MAP3K13: variants seen among roughly 807,000 people sequenced by gnomAD.
MAP3K13 encodes leucine zipper-bearing kinase.
A neutral mutation model predicts 104.0 loss-of-function variants in MAP3K13; 52 were observed. The observed-to-expected ratio is 0.50, with a 90% CI of 0.40 to 0.63. The LOEUF (loss-of-function observed/expected upper bound fraction) is 0.63, where lower values mean the gene tolerates loss of function less well. Among genes scored for constraint, MAP3K13 ranks in the 20% least tolerant of loss-of-function variants. The pLI is 0.00. For synonymous variants in MAP3K13, 394 were observed against 442.2 expected (o/e 0.89, Z 1.37); for missense variants, 914 against 1,218.5 (o/e 0.75, Z 3.72).
At chr3:185,381,107 C>T (rs747911252) in intron 1 of MAP3K13, among the ~76,000 whole-genome samples, 6 of 152,048 alleles carry the variant, frequency 3.9e-5, no homozygotes, top group Admixed American at 6.6e-5. Context: ...GGATTACAGG[C>T]GTGTGCTACC....
chr3:185,466,922 A>T lies in MAP3K13; in HGVS notation c.1602A>T (p.Lys534Asn). The part of the protein sequence containing the change: ...IHPNAMEKLM[K>N]RKGVPHKSGM... ...CCAATGCCATGGAGAAACTCATGAA[A>T]AGGAAAGGAGTGCCTCACAAATCTG... The change falls in exon 10 of 14, where the codon AAA (lysine) becomes AAT (asparagine). Residue 534 changes from lysine (K) to asparagine (N), a missense_variant. Transcript: ENST00000265026. 6.2e-7 allele frequency: 1 copy of T among 1,613,986 alleles called. No individual in the cohort carries two copies. Among genetic ancestry groups the T allele is most frequent in the Non-Finnish European group, 8.5e-7 (1 of 1,179,866 alleles).
chr3:185,361,138 A>G (rs990963151), upstream of MAP3K13, among the ~76,000 whole-genome samples: 1 of 151,140 alleles, frequency 6.6e-6, no homozygotes, highest in East Asian at 1.9e-4. Context: ...ACACATATAT[A>G]CATATACATA....
rs929039287 is a variant in MAP3K13, at chr3:185,482,867, G to A, written c.*411G>A. The A allele has an allele frequency of 3.0e-5, 7 of 234,270 alleles. No individual in the cohort carries two copies. The highest frequency in any genetic ancestry group is 5.9e-5 in the Non-Finnish European group (7 of 119,108). The allele number at this position is 234,270 out of a possible 1,614,324, so 14.5% of individuals were successfully genotyped here. A position where few individuals can be genotyped will look rare whatever the true frequency, so the allele number is the denominator to read the frequency against. On this transcript the variant is annotated 3_prime_UTR_variant, in exon 14 of 14. Transcript: ENST00000265026. The surrounding 1 kb of genome is among the most constrained non-coding windows in gnomAD (Gnocchi z 4.5). ...AAAAAAAGAAATAAGTGGAATTTAAGAGCAACATCCTTGGGAATTTGTGGG... is the reference window on the plus strand; with the variant it reads ...AAAAAAAGAAATAAGTGGAATTTAAAAGCAACATCCTTGGGAATTTGTGGG...
chr3:185,345,196 T>C (rs190488595), intron 2 of MAP3K13, among the ~76,000 whole-genome samples: 1 of 152,018 alleles, frequency 6.6e-6, no homozygotes, highest in Non-Finnish European at 1.5e-5. Flanking sequence ...TTTATTGCCA[T>C]CTGCACTTTT....
Position 185,363,208 on chromosome 3 carries a change from A to T in MAP3K13, c.-246A>T. 3 of 985,180 alleles carry T rather than the reference A, an allele frequency of 3.0e-6. No individual in the cohort carries two copies. The highest frequency in any genetic ancestry group is 3.6e-6 in the Non-Finnish European group (3 of 829,890). The allele number at this position is 985,180 out of a possible 1,614,324, so 61.0% of individuals were successfully genotyped here. A position where few individuals can be genotyped will look rare whatever the true frequency, so the allele number is the denominator to read the frequency against. On this transcript the variant is annotated 5_prime_UTR_variant, in exon 1 of 14. An upstream open reading frame in the 5' UTR loses its in-frame stop. Coordinates refer to ENST00000265026, the MANE Select transcript of MAP3K13 (RefSeq NM_004721.5). Reference sequence around the variant, plus strand: ...ATTTACATCCATTCATGAATCTGTGACGTCAGCAAGCCTTTGGGCTCCTTT... The same window carrying T: ...ATTTACATCCATTCATGAATCTGTGTCGTCAGCAAGCCTTTGGGCTCCTTT...
chr3:185,411,839 C>T (rs1272911673), intron 1 of MAP3K13, among the ~76,000 whole-genome samples: 1 of 139,032 alleles, frequency 7.2e-6, no homozygotes, highest in Non-Finnish European at 1.5e-5. Context: ...GGCTGGAATG[C>T]GGTGGCATGA....
chr3:185,290,274 T>C (rs1199134290), intron 2 of MAP3K13, among the ~76,000 whole-genome samples: 1 of 152,158 alleles, frequency 6.6e-6, no homozygotes, highest in Non-Finnish European at 1.5e-5. Context: ...TTTACAAAAA[T>C]TAGGTTATAG....
At chr3:185,448,371 C>A (rs1018145155) in intron 5 of MAP3K13, among the ~76,000 whole-genome samples, 5 of 152,110 alleles carry the variant, frequency 3.3e-5, no homozygotes, top group Admixed American at 6.5e-5. Flanking sequence ...CAATTATGTT[C>A]TCTAGACATG....
intron 1 of MAP3K13, among the ~76,000 whole-genome samples, chr3:185,380,286 G>A (rs183020056): frequency 2.6e-4 from 39 of 151,722 alleles, no homozygotes; most frequent in African/African-American, 6.3e-4. Flanking sequence ...GCCAAGGCAG[G>A]AGGATCACGA....
At chr3:185,461,446 A>T (rs1344235470) in intron 7 of MAP3K13, among the ~76,000 whole-genome samples, 1 of 152,228 alleles carries the variant, frequency 6.6e-6, no homozygotes, top group East Asian at 1.9e-4. Flanking sequence ...AATTTGGGGA[A>T]AACCTTCTAT....
At chr3:185,393,763 A>G (rs1320807883) in intron 1 of MAP3K13, among the ~76,000 whole-genome samples, 1 of 152,074 alleles carries the variant, frequency 6.6e-6, no homozygotes, top group Non-Finnish European at 1.5e-5. Flanking sequence ...AGCCGTAAAT[A>G]TCTTAAAAAC....
intron 2 of MAP3K13, among the ~76,000 whole-genome samples, chr3:185,325,572 G>T (rs1292885943): frequency 2.0e-5 from 3 of 152,140 alleles, no homozygotes; most frequent in African/African-American, 4.8e-5. Context: ...CTGCCTATTT[G>T]GTTTTGGGAG....
chr3:185,305,458 A>C (rs1035082839), intron 2 of MAP3K13, among the ~76,000 whole-genome samples: 1 of 152,212 alleles, frequency 6.6e-6, no homozygotes, highest in Non-Finnish European at 1.5e-5. Flanking sequence ...ATCTAGTAAT[A>C]TAATTTCATA....
intron 1 of MAP3K13, among the ~76,000 whole-genome samples, chr3:185,415,216 G>C (rs78189444): frequency 6.6e-6 from 1 of 151,790 alleles, no homozygotes; most frequent in Non-Finnish European, 1.5e-5. Context: ...GCAGTGGCGC[G>C]ATCATGGCTC....
intron 2 of MAP3K13, among the ~76,000 whole-genome samples, chr3:185,288,195 C>G (rs773923354): frequency 6.6e-6 from 1 of 152,002 alleles, no homozygotes; most frequent in African/African-American, 2.4e-5. Context: ...AGGACAGATT[C>G]TTTTCCTAAA....
At chr3:185,422,033 T>TAAA (rs1276606910) in intron 1 of MAP3K13, among the ~76,000 whole-genome samples, 2 of 152,240 alleles carry the variant, frequency 1.3e-5, no homozygotes, top group African/African-American at 4.8e-5. Flanking sequence ...CACATCTTTA[T>TAAA]ACACCCTTGA....
At chr3:185,329,714 A>G (rs1722174736) in intron 2 of MAP3K13, among the ~76,000 whole-genome samples, 1 of 152,206 alleles carries the variant, frequency 6.6e-6, no homozygotes, top group Non-Finnish European at 1.5e-5. Context: ...CAGGAACTAC[A>G]CATTGTTACA....
Position 185,485,612 on chromosome 3 carries a change from C to T in MAP3K13, c.*3156C>T, listed in dbSNP as rs1718678480. 6.6e-6 allele frequency: 1 copy of T among 152,034 alleles called. No homozygotes were observed. Among genetic ancestry groups the T allele is most frequent in the Non-Finnish European group, 1.5e-5 (1 of 68,020 alleles). 9.4% of individuals were successfully genotyped at this position (152,034 alleles called of 1,614,324 possible). On this transcript the variant is annotated 3_prime_UTR_variant, in exon 14 of 14. Coordinates refer to ENST00000265026, the MANE Select transcript of MAP3K13 (RefSeq NM_004721.5). The stretch of plus-strand genomic sequence containing the variant: ...ATCGACTGTCTCGGTTATCAGATGA[C>T]TGTATCGCAGTGCTTGTGTTCAAGT...
chr3:185,372,772 A>G (rs931334749), intron 1 of MAP3K13, among the ~76,000 whole-genome samples: 5 of 152,222 alleles, frequency 3.3e-5, no homozygotes, highest in African/African-American at 1.2e-4. Context: ...AGAAGAGCCA[A>G]CCAGTTCTAA....
Sources: gnomAD v4.1 joint callset for allele counts (sites outside exome capture counted in the v4.1 genomes callset) on GRCh38, gnomAD v4.1.1 for gene constraint, Gnocchi (gnomAD v3.1) non-coding constraint, MANE v1.5 for transcripts, NCBI Gene and HGNC (gene_info 2026-07-23, HGNC 2026-07-21) for gene names.